NTM: variants seen among roughly 807,000 people sequenced by gnomAD.
NTM encodes the protein IgLON family member 2.
NTM carries 13 observed loss-of-function variants against 42.1 expected under a neutral mutation model. The observed-to-expected ratio is 0.31, with a 90% CI of 0.20 to 0.49. The LOEUF is 0.49. Ranked by LOEUF, NTM falls within the 20% of genes least tolerant of loss-of-function variation. The pLI, the probability that NTM is intolerant of heterozygous loss-of-function variation, is 0.99. For synonymous variants in NTM, 187 were observed against 179.2 expected (o/e 1.04, Z -0.35); for missense variants, 373 against 452.8 (o/e 0.82, Z 1.60).
intron 1 of NTM, among the ~76,000 whole-genome samples, chr11:131,453,534 C>A (rs1565516268): frequency 8.0e-6 from 1 of 125,572 alleles, no homozygotes; most frequent in South Asian, 2.4e-4. Context: ...AACGGAAAGA[C>A]TTTCATTAAA....
At chr11:132,303,801 A>AGCAGTG (rs1387014127) in intron 4 of NTM, among the ~76,000 whole-genome samples, 8 of 149,778 alleles carry the variant, frequency 5.3e-5, no homozygotes, top group African/African-American at 2.0e-4. Context: ...GGAGAGCTGC[A>AGCAGTG]GCAGTGGCAG....
At chr11:131,852,000 G>C (rs191538794) in intron 1 of NTM, among the ~76,000 whole-genome samples, 1 of 152,252 alleles carries the variant, frequency 6.6e-6, no homozygotes, top group Admixed American at 6.5e-5. Flanking sequence ...TTGCCATGTT[G>C]AGGATGAGCT....
In NTM at chr11:131,877,174, T is replaced by A. The variant is rs533096157; in HGVS notation, c.83-34390T>A. On this transcript the variant is annotated intron_variant, in intron 1 of 8. Coordinates refer to ENST00000683400, the MANE Select transcript of NTM (RefSeq NM_001352005.2). ...GCGCCAGGCCCCAAGGCATACTTTT[T>A]ACTGAATGAACACTTGCTGTGCTGG... is the stretch of plus-strand genomic sequence containing the variant. Among the ~76,000 whole-genome samples, 9 of 152,294 alleles carry A rather than the reference T, an allele frequency of 5.9e-5. No individual in the cohort carries two copies. The East Asian group carries it at 1.7e-3, about 29-fold the overall frequency.
chr11:131,930,039 C>A (rs7120496), intron 2 of NTM, among the ~76,000 whole-genome samples: 8,370 of 152,188 alleles, frequency 0.055, 755 homozygotes, highest in African/African-American at 0.19. Context: ...TATTGCCTTG[C>A]TCGGTGTTGG....
chr11:132,203,698 T>G (rs1199895932), intron 3 of NTM, among the ~76,000 whole-genome samples: 4 of 152,148 alleles, frequency 2.6e-5, no homozygotes, highest in African/African-American at 9.7e-5. Flanking sequence ...GAGACCATCC[T>G]GGCTAACACG....
At position 132,003,075 on chromosome 11, in the gene NTM, G is replaced by GCT. The variant is rs2069717780; in HGVS notation, c.167+91428_167+91429dup. On this transcript the variant is annotated intron_variant, in intron 2 of 8. Coordinates refer to ENST00000683400, the MANE Select transcript of NTM (RefSeq NM_001352005.2). This position sits in a 1 kb window ranked among gnomAD's most constrained non-coding sequence, Gnocchi z 6.0. The stretch of plus-strand genomic sequence containing the variant: ...GTGAGCGCACTAAACAGTAAGATGC[G>GCT]CTGCCACAGTTGTGTGTGTAATTGA... 2.6e-5 allele frequency among the ~76,000 whole-genome samples: 4 copies of GCT among 152,038 alleles called. No homozygotes were observed. The South Asian group carries it at 8.3e-4, about 32-fold the overall frequency.
Position 132,217,412 on chromosome 11 carries a change from GGT to G in NTM, c.526+5278_526+5279del, listed in dbSNP as rs149092527. On this transcript the variant is annotated intron_variant, in intron 4 of 8. Transcript: ENST00000683400. Reference sequence around the variant, plus strand: ...TGTGTATGTGTATGTGTATGTGTGGGGTGTGTGTGTGTGTTTCTCAGGTTCTC... The same window carrying G: ...TGTGTATGTGTATGTGTATGTGTGGGGTGTGTGTGTGTTTCTCAGGTTCTC... Among the ~76,000 whole-genome samples, 18 of 148,762 alleles carry G rather than the reference GGT, an allele frequency of 1.2e-4. No individual in the cohort carries two copies. In the East Asian group the frequency reaches 3.6e-3, roughly 29 times the overall value.
chr11:131,589,021 A>G (rs1048172294), intron 1 of NTM, among the ~76,000 whole-genome samples: 1 of 152,206 alleles, frequency 6.6e-6, no homozygotes, highest in African/African-American at 2.4e-5. Context: ...ATGCCTGAGC[A>G]TGCTAGGGGA....
intron 1 of NTM, among the ~76,000 whole-genome samples, chr11:131,585,384 T>C (rs1030065293): frequency 6.6e-6 from 1 of 152,142 alleles, no homozygotes; most frequent in Non-Finnish European, 1.5e-5. Flanking sequence ...CCGGGTTTGG[T>C]GGGAGGAAGT....
At chr11:132,295,389 A>T (rs1478949120) in intron 4 of NTM, among the ~76,000 whole-genome samples, 1 of 152,188 alleles carries the variant, frequency 6.6e-6, no homozygotes, top group Non-Finnish European at 1.5e-5. Context: ...TGCTATAGAT[A>T]TTGGAGATGT....
chr11:131,867,463 CTG>C (rs962305049), intron 1 of NTM, among the ~76,000 whole-genome samples: 4 of 150,740 alleles, frequency 2.7e-5, no homozygotes, highest in Admixed American at 6.6e-5. Context: ...GTGTGTGTGT[CTG>C]TGTGTGTCTG....
intron 1 of NTM, among the ~76,000 whole-genome samples, chr11:131,848,815 A>G (rs2045216100): frequency 1.3e-5 from 2 of 152,128 alleles, no homozygotes. Context: ...CAAGTCCCTG[A>G]TCTTTTAATT....
chr11:132,079,068 C>T (rs11222904), intron 2 of NTM, among the ~76,000 whole-genome samples: 17,721 of 152,166 alleles, frequency 0.12, 1,108 homozygotes, highest in Middle Eastern at 0.19. Context: ...CGCGAGCCCA[C>T]GGAAGACAAG....
intron 1 of NTM, among the ~76,000 whole-genome samples, chr11:131,899,259 C>CCAAGCAT (rs2052758636): frequency 6.6e-6 from 1 of 152,106 alleles, no homozygotes; most frequent in Non-Finnish European, 1.5e-5. Context: ...GAGGAAACAG[C>CCAAGCAT]CAAGCATGTG....
At chr11:131,823,265 G>A (rs566142865) in intron 1 of NTM, among the ~76,000 whole-genome samples, 36 of 152,250 alleles carry the variant, frequency 2.4e-4, no homozygotes, top group African/African-American at 7.9e-4. Context: ...TGCCCCTTAG[G>A]CAGAGCAGAA....
intron 1 of NTM, among the ~76,000 whole-genome samples, chr11:131,705,431 G>A (rs2076497352): frequency 6.6e-6 from 1 of 152,112 alleles, no homozygotes; most frequent in Non-Finnish European, 1.5e-5. Flanking sequence ...AATGAAAGCT[G>A]AGGGCACTCA....
intron 1 of NTM, among the ~76,000 whole-genome samples, chr11:131,439,943 C>CTTTTTT (rs11388263): frequency 7.3e-6 from 1 of 137,748 alleles, no homozygotes; most frequent in Non-Finnish European, 1.6e-5. Context: ...CCATCTTAGG[C>CTTTTTT]TTTTTTTTTT....
chr11:131,991,846 G>A (rs1404681544), intron 2 of NTM, among the ~76,000 whole-genome samples: 1 of 152,174 alleles, frequency 6.6e-6, no homozygotes, highest in Non-Finnish European at 1.5e-5. Context: ...AAGTAGTTAA[G>A]CTTGGTGGAA....
chr11:131,490,062 G>T (rs1954613688), intron 1 of NTM, among the ~76,000 whole-genome samples: 1 of 152,214 alleles, frequency 6.6e-6, no homozygotes, highest in Admixed American at 6.5e-5. Flanking sequence ...AGCAAGGGTT[G>T]GGGGAGGTGC....
Sources: gnomAD v4.1 joint callset for allele counts (sites outside exome capture counted in the v4.1 genomes callset) on GRCh38, gnomAD v4.1.1 for gene constraint, Gnocchi (gnomAD v3.1) non-coding constraint, MANE v1.5 for transcripts, NCBI Gene and HGNC (gene_info 2026-07-23, HGNC 2026-07-21) for gene names.